The following NFKB1 variants were observed in gnomAD, a reference collection of about 807,000 sequenced individuals.
The protein encoded by NFKB1 is nuclear factor NF-kappa-B p105 subunit.
Under a neutral mutation model 105.1 loss-of-function variants are expected in NFKB1, and 9 were observed. The ratio of observed to expected loss-of-function variants is 0.09; its 90% CI spans 0.05 to 0.15. NFKB1 has a LOEUF of 0.15. NFKB1 is among the 10% of genes least tolerant of loss of function. The pLI is 1.00. For synonymous variants in NFKB1, 440 were observed against 442.2 expected (o/e 1.00, Z 0.06); for missense variants, 830 against 1,203.7 (o/e 0.69, Z 4.59).
At chr4:102,586,521 G>A (rs936017881) in intron 11 of NFKB1, among the ~76,000 whole-genome samples, 6 of 152,154 alleles carry the variant, frequency 3.9e-5, no homozygotes, top group East Asian at 1.9e-4. Flanking sequence ...GATATAACAG[G>A]CACCAACTGA....
At chr4:102,522,884 G>A (rs756777216) in intron 1 of NFKB1, among the ~76,000 whole-genome samples, 12 of 152,128 alleles carry the variant, frequency 7.9e-5, no homozygotes, top group Non-Finnish European at 2.9e-5. Flanking sequence ...CTGTATTTAA[G>A]TGTAATGTTT....
At chr4:102,539,785 A>G (rs1228116462) in intron 5 of NFKB1, among the ~76,000 whole-genome samples, 10 of 152,198 alleles carry the variant, frequency 6.6e-5, no homozygotes, top group Non-Finnish European at 1.5e-4. Context: ...TAGTGGCTCT[A>G]TATCCTGCAG....
chr4:102,584,646 G>A (rs1725574474), intron 10 of NFKB1, 36 bp from the exon 11 acceptor site: 1 of 1,541,470 alleles, frequency 6.5e-7, no homozygotes, highest in Admixed American at 2.1e-5. Flanking sequence ...AAAAAATGTA[G>A]TCCTACACCA....
chr4:102,577,024 G>T lies in NFKB1; in HGVS notation c.556G>T (p.Asp186Tyr), dbSNP rs777291215. The change falls in exon 7 of 24, where the codon GAC (aspartate) becomes TAC (tyrosine). Residue 186 changes from aspartate to tyrosine, a missense_variant. By Grantham distance (160) the Asp-to-Tyr change is radical. Around this residue, in one of 8 missense-constraint regions of NFKB1, gnomAD observed 80 missense variants for 122.6 expected, o/e 0.65. Transcript: ENST00000226574. The part of the protein sequence containing the change: ...LAYLQAEGGG[D>Y]RQLGDREKEL... Reference sequence around the variant, plus strand: ...CTATTTGCAAGCAGAAGGTGGAGGGGACCGGCAGCTGGGAGGTAAGCATCA... The same window carrying T: ...CTATTTGCAAGCAGAAGGTGGAGGGTACCGGCAGCTGGGAGGTAAGCATCA... 2 of 1,610,546 alleles carry T rather than the reference G, an allele frequency of 1.2e-6. No homozygotes were observed. The highest frequency in any genetic ancestry group is 1.7e-6 in the Non-Finnish European group (2 of 1,179,086).
In NFKB1 at chr4:102,593,648, T is replaced by C. The variant is rs1726364042; in HGVS notation, c.1210+80T>C. 6.3e-6 allele frequency: 9 copies of C among 1,423,706 alleles called. No homozygotes were observed. The South Asian group carries it at 1.2e-4, about 18-fold the overall frequency. 88.2% of individuals were successfully genotyped at this position (1,423,706 alleles called of 1,614,324 possible). On this transcript the variant is annotated intron_variant, in intron 12 of 23. Coordinates refer to ENST00000226574, the MANE Select transcript of NFKB1 (RefSeq NM_003998.4). The stretch of plus-strand genomic sequence containing the variant: ...TTCTTTTCTTTGGTTTCTGAGCATG[T>C]CTGTGAGTTGAGTGGCTATGATATT...
At chr4:102,510,236 G>A (rs1184917943) in intron 1 of NFKB1, among the ~76,000 whole-genome samples, 1 of 152,028 alleles carries the variant, frequency 6.6e-6, no homozygotes, top group Non-Finnish European at 1.5e-5. Flanking sequence ...ATTCCTGTGG[G>A]TCCTAGAAAA....
intron 1 of NFKB1, among the ~76,000 whole-genome samples, chr4:102,510,366 G>A (rs185418677): frequency 1.3e-5 from 2 of 152,302 alleles, no homozygotes; most frequent in East Asian, 1.9e-4. Flanking sequence ...CCAATTAACT[G>A]TGTGGCTCTG....
intron 6 of NFKB1, among the ~76,000 whole-genome samples, chr4:102,567,382 G>T (rs1299892419): frequency 6.6e-6 from 1 of 152,148 alleles, no homozygotes; most frequent in Non-Finnish European, 1.5e-5. Context: ...TACTCTTAAA[G>T]GTGGCCCAAT....
intron 4 of NFKB1, among the ~76,000 whole-genome samples, chr4:102,537,135 C>A (rs750046759): frequency 1.3e-5 from 2 of 152,138 alleles, no homozygotes; most frequent in Non-Finnish European, 2.9e-5. Flanking sequence ...TATCAGCCCA[C>A]AGTAGTTTAT....
chr4:102,558,031 CT>C (rs575415233), intron 5 of NFKB1, among the ~76,000 whole-genome samples: 6,385 of 130,788 alleles, frequency 0.049, 157 homozygotes, highest in African/African-American at 0.11. Flanking sequence ...GATATCTAGC[CT>C]TTTTTTTTTT....
chr4:102,589,971 TGAAAAC>T (rs960884739), intron 11 of NFKB1, among the ~76,000 whole-genome samples: 2 of 151,912 alleles, frequency 1.3e-5, no homozygotes, highest in African/African-American at 4.8e-5. Context: ...AACAGAAAGA[TGAAAAC>T]AAAACAAAAA....
intron 1 of NFKB1, among the ~76,000 whole-genome samples, chr4:102,524,029 G>GA (rs571312467): frequency 1.6e-3 from 227 of 141,246 alleles, no homozygotes; most frequent in Non-Finnish European, 2.5e-3. Flanking sequence ...TAGACTTTAT[G>GA]AAAAAAAAAA....
chr4:102,598,282 C>A (rs1726810446), intron 15 of NFKB1, among the ~76,000 whole-genome samples: 1 of 152,160 alleles, frequency 6.6e-6, no homozygotes, highest in Non-Finnish European at 1.5e-5. Context: ...TGGCTTCTTT[C>A]TAAAACAGTT....
chr4:102,570,883 A>G (rs1277342230), intron 6 of NFKB1, among the ~76,000 whole-genome samples: 2 of 152,218 alleles, frequency 1.3e-5, no homozygotes, highest in Non-Finnish European at 2.9e-5. Context: ...AGGAAGAATC[A>G]ATATCGTGAA....
chr4:102,540,851 A>G (rs921261242), intron 5 of NFKB1, among the ~76,000 whole-genome samples: 2 of 152,070 alleles, frequency 1.3e-5, no homozygotes, highest in African/African-American at 4.8e-5. Flanking sequence ...GATGACCTTT[A>G]AGTTTACAAA....
chr4:102,531,187 T>C (rs1220479193), intron 3 of NFKB1, among the ~76,000 whole-genome samples: 1 of 152,230 alleles, frequency 6.6e-6, no homozygotes, highest in East Asian at 1.9e-4. Context: ...CTTAATTTTA[T>C]TCCTTCGGAT....
At chr4:102,577,871 C>T in intron 7 of NFKB1, 1 of 985,350 alleles carries the variant, frequency 1.0e-6, no homozygotes, top group Non-Finnish European at 1.2e-6. Flanking sequence ...TCTGTCCCTC[C>T]CCACTTCTAA....
At chr4:102,596,394 G>A (rs1316288106) in intron 14 of NFKB1, 62 bp downstream of exon 14, 1 of 1,323,220 alleles carries the variant, frequency 7.6e-7, no homozygotes, top group African/African-American at 1.5e-5. Flanking sequence ...CCTAGGTGCA[G>A]AAAGATATCT....
At chr4:102,528,773 G>A (rs1249853664) in intron 2 of NFKB1, among the ~76,000 whole-genome samples, 1 of 152,152 alleles carries the variant, frequency 6.6e-6, no homozygotes, top group African/African-American at 2.4e-5. Flanking sequence ...AAGATAAAAT[G>A]TACTTTCTTC....
Sources: gnomAD v4.1 joint callset for allele counts (sites outside exome capture counted in the v4.1 genomes callset) on GRCh38, gnomAD v4.1.1 for gene constraint, gnomAD v4.1.1 regional missense constraint, MANE v1.5 for transcripts, NCBI Gene and HGNC (gene_info 2026-07-23, HGNC 2026-07-21) for gene names.